ESR2: variants seen among roughly 807,000 people sequenced by gnomAD.
The protein encoded by ESR2 is estrogen receptor beta.
A neutral mutation model predicts 49.6 loss-of-function variants in ESR2; 36 were observed. The observed-to-expected ratio is 0.73, with a 90% CI of 0.56 to 0.96. The LOEUF (loss-of-function observed/expected upper bound fraction) is 0.96. Ranked by LOEUF, ESR2 falls within the 40% of genes least tolerant of loss-of-function variation. The pLI is 0.00. For missense variants in ESR2, 714 were observed against 693.0 expected (o/e 1.03, Z -0.34); for synonymous variants, 320 against 266.1 (o/e 1.20, Z -1.97).
In ESR2 at chr14:64,282,876, A is replaced by G; in HGVS notation, c.110T>C (p.Val37Ala). The change falls in exon 2 of 9, where the codon GTA (valine) becomes GCA (alanine). Residue 37 changes from valine (V) to alanine (A), a missense_variant. Physicochemically the swap from Val to Ala is moderately conservative, Grantham distance 64. Coordinates refer to ENST00000341099, the MANE Select transcript of ESR2 (RefSeq NM_001437.3). The stretch of plus-strand genomic sequence containing the variant: ...GGCTGGATATTCATGGTGGCTGTCT[A>G]CATAGGAGGAAGGTATGTATATGGA... ...HGSIYIPSSY[V>A]DSHHEYPAMT... 6.2e-7 allele frequency: 1 copy of G among 1,614,244 alleles called. No homozygotes were observed. Among genetic ancestry groups the G allele is most frequent in the Non-Finnish European group, 8.5e-7 (1 of 1,180,032 alleles).
At chr14:64,285,826 CAAAA>C (rs10559131) in intron 1 of ESR2, among the ~76,000 whole-genome samples, 8 of 100,800 alleles carry the variant, frequency 7.9e-5, no homozygotes, top group Admixed American at 2.1e-4. Flanking sequence ...GACTCTGTCT[CAAAA>C]AAAAAAAAAA....
At chr14:64,272,961 T>C (rs1043858446) in intron 3 of ESR2, among the ~76,000 whole-genome samples, 6 of 152,076 alleles carry the variant, frequency 3.9e-5, no homozygotes, top group African/African-American at 1.4e-4. Flanking sequence ...TTGGGTAGTA[T>C]GGACATATTA....
rs2098725734 is a variant in ESR2, at chr14:64,230,021, T to C, written c.*3116A>G. 6.6e-6 allele frequency among the ~76,000 whole-genome samples: 1 copy of C among 151,624 alleles called. No homozygotes were observed. The highest frequency in any genetic ancestry group is 2.1e-4 in the South Asian group (1 of 4,788). On this transcript the variant is annotated 3_prime_UTR_variant, in exon 9 of 9. Transcript: ENST00000341099. The stretch of plus-strand genomic sequence containing the variant: ...TAGTAAAACCCCATCTCTACAAATA[T>C]TAAAAGAATTAGCCAGGAGTGGTGG...
chr14:64,283,900 G>T (rs2076737279), intron 1 of ESR2, among the ~76,000 whole-genome samples: 1 of 151,762 alleles, frequency 6.6e-6, no homozygotes, highest in Non-Finnish European at 1.5e-5. Context: ...TTATCAATCT[G>T]TTGCTTCTCA....
chr14:64,275,766 C>T (rs2076546817), intron 3 of ESR2, among the ~76,000 whole-genome samples: 1 of 152,062 alleles, frequency 6.6e-6, no homozygotes, highest in Non-Finnish European at 1.5e-5. Context: ...AGACTTTCTA[C>T]TCAAAATATG....
intron 1 of ESR2, chr14:64,337,273 A>ATCCT (rs2077543186): frequency 6.6e-6 from 1 of 152,256 alleles, no homozygotes; most frequent in Non-Finnish European, 1.5e-5. Flanking sequence ...TAGGCAACTT[A>ATCCT]TCCTTCAAAG....
At chr14:64,315,655 T>A (rs1293354835) in intron 1 of ESR2, among the ~76,000 whole-genome samples, 1 of 150,794 alleles carries the variant, frequency 6.6e-6, no homozygotes, top group African/African-American at 2.5e-5. Flanking sequence ...TTTGTATTTT[T>A]TGTATTTTTT....
At chr14:64,337,771 C>A (rs1260288972) in intron 1 of ESR2, 1 of 152,044 alleles carries the variant, frequency 6.6e-6, no homozygotes, top group Non-Finnish European at 1.5e-5. Flanking sequence ...TACTAAAAGC[C>A]CCCCAAATTT....
At chr14:64,323,172 A>G (rs900332891) in intron 1 of ESR2, among the ~76,000 whole-genome samples, 1 of 152,184 alleles carries the variant, frequency 6.6e-6, no homozygotes, top group African/African-American at 2.4e-5. Context: ...ACTGTTTAGC[A>G]TAGCTTTAAG....
At chr14:64,227,449 C>A, downstream of ESR2, 2 of 1,452,084 alleles carry the variant, frequency 1.4e-6, no homozygotes, top group Admixed American at 2.1e-5. Context: ...TTATTTTTTT[C>A]ATGGATTACA....
chr14:64,285,010 C>T (rs2076760993), intron 1 of ESR2, among the ~76,000 whole-genome samples: 1 of 152,070 alleles, frequency 6.6e-6, no homozygotes, highest in African/African-American at 2.4e-5. Flanking sequence ...CCACCACGCC[C>T]AGCTAACTTT....
intron 1 of ESR2, among the ~76,000 whole-genome samples, chr14:64,291,879 A>C (rs1465763293): frequency 6.6e-6 from 1 of 152,092 alleles, no homozygotes; most frequent in Non-Finnish European, 1.5e-5. Flanking sequence ...TCTTAATCTC[A>C]GGTATAATGA....
At chr14:64,277,444 C>T (rs1462322991) in intron 3 of ESR2, among the ~76,000 whole-genome samples, 35 of 151,666 alleles carry the variant, frequency 2.3e-4, no homozygotes, top group Admixed American at 6.6e-4. Flanking sequence ...GCTAACATGC[C>T]GAAACCCTGT....
rs746690121 is a variant in ESR2, at chr14:64,282,936, T to C, written c.50A>G (p.Asn17Ser). 6.2e-6 allele frequency: 10 copies of C among 1,613,794 alleles called. No homozygotes were observed. The highest frequency in any genetic ancestry group is 8.5e-6 in the Non-Finnish European group (10 of 1,179,910). Residue 17 changes from asparagine (N) to serine (S), a missense_variant, in exon 2 of 9, where the codon AAC becomes AGC. Physicochemically the swap from Asn to Ser is conservative, Grantham distance 46. Coordinates refer to ENST00000341099, the MANE Select transcript of ESR2 (RefSeq NM_001437.3). ...CAGGGGTAAGATGGATTGACTGCAG[T>C]TGTAGGAGGAAGGAGAATTAAGGCT... ...PSSLNSPSSY[N>S]CSQSILPLEH...
intron 6 of ESR2, 46 bp from the exon 7 acceptor site, chr14:64,249,725 C>T: frequency 6.4e-7 from 1 of 1,557,506 alleles, no homozygotes; most frequent in Non-Finnish European, 8.7e-7. Context: ...CTTCAGGAAA[C>T]CATCAAAAAA....
At chr14:64,245,295 C>T (rs908907889) in intron 7 of ESR2, among the ~76,000 whole-genome samples, 1 of 151,932 alleles carries the variant, frequency 6.6e-6, no homozygotes, top group South Asian at 2.1e-4. Flanking sequence ...AAGCGGATCA[C>T]GAGGTCAGGA....
At chr14:64,251,178 T>C (rs2075980051) in intron 6 of ESR2, among the ~76,000 whole-genome samples, 1 of 151,946 alleles carries the variant, frequency 6.6e-6, no homozygotes, top group South Asian at 2.1e-4. Context: ...ACACAAGCCC[T>C]GCACAGAGAT....
At position 64,267,204 on chromosome 14, in the gene ESR2, C is replaced by A. The variant is rs548067035; in HGVS notation, c.652+1591G>T. Among the ~76,000 whole-genome samples, 4 of 152,214 alleles carry A rather than the reference C, an allele frequency of 2.6e-5. No individual in the cohort carries two copies. The East Asian group carries it at 5.8e-4, about 22-fold the overall frequency. The stretch of plus-strand genomic sequence containing the variant: ...TTAACTAAACTTTCACAGAAAAAAA[C>A]CAAACTTGTCTTTTCCTATTCATAA... On this transcript the variant is annotated intron_variant, in intron 4 of 8. Transcript: ENST00000341099.
intron 3 of ESR2, among the ~76,000 whole-genome samples, chr14:64,273,378 C>T (rs555986391): frequency 6.6e-6 from 1 of 152,090 alleles, no homozygotes; most frequent in Non-Finnish European, 1.5e-5. Flanking sequence ...TGGGCATCCT[C>T]GTCATGTTCC....
Sources: allele counts gnomAD v4.1 joint callset (sites outside exome capture counted in the v4.1 genomes callset), GRCh38; gene constraint gnomAD v4.1.1; transcripts MANE v1.5; gene names NCBI Gene and HGNC (gene_info 2026-07-23, HGNC 2026-07-21).